Variants in CASZ1 observed in about 807,000 individuals in gnomAD.
The protein encoded by CASZ1 is castor zinc finger 1.
In CASZ1, 28 loss-of-function variants were observed where a neutral mutation model predicts 135.2. That is an observed-to-expected ratio of 0.21 (90% CI 0.15 to 0.28). The LOEUF (loss-of-function observed/expected upper bound fraction) is 0.28, where lower values mean the gene tolerates loss of function less well. CASZ1 is among the 10% of genes least tolerant of loss of function. The probability of loss-of-function intolerance (pLI) is 1.00; values close to 1 mark genes in which losing one functional copy is unlikely to be tolerated. For synonymous variants in CASZ1, 1,068 were observed against 1,073.4 expected, an observed-to-expected ratio of 0.99 and a Z score of 0.10; for missense variants, 2,161 against 2,453.3, an observed-to-expected ratio of 0.88 and a Z score of 2.52.
Position 10,726,464 on chromosome 1 carries a change from G to A in CASZ1, c.-76-20920C>T, listed in dbSNP as rs780041571. On this transcript the variant is annotated intron_variant, in intron 2 of 20. Coordinates refer to ENST00000377022, the MANE Select transcript of CASZ1 (RefSeq NM_001079843.3). The surrounding 1 kb of genome is among the most constrained non-coding windows in gnomAD (Gnocchi z 5.7). The stretch of plus-strand genomic sequence containing the variant: ...TGGAGCCGGAGGGAGGAGGAGGGCG[G>A]TGTAGTCCTCCAGGCTGGCCAGGCT... Among the ~76,000 whole-genome samples the A allele has an allele frequency of 3.9e-5, 6 of 152,184 alleles. No individual in the cohort carries two copies. The highest frequency in any genetic ancestry group is 8.8e-5 in the Non-Finnish European group (6 of 68,024).
intron 2 of CASZ1, among the ~76,000 whole-genome samples, chr1:10,745,481 G>C (rs79798292): frequency 0.013 from 2,044 of 152,286 alleles, 43 homozygotes; most frequent in African/African-American, 0.042. Flanking sequence ...ACTCAAGGGG[G>C]TGTGGGCAGG....
rs979470404 is a variant in CASZ1 at position 10,726,787 on chromosome 1, C to T, written c.-76-21243G>A. On this transcript the variant is annotated intron_variant, in intron 2 of 20. Transcript: ENST00000377022. This position sits in a 1 kb window ranked among gnomAD's most constrained non-coding sequence, Gnocchi z 5.7. ...GGGGGTCCTTGCTGCAGCAATCACC[C>T]AGGCCCTGAAGAGAGGCCAGGGAGA... is the stretch of plus-strand genomic sequence containing the variant. 2.0e-5 allele frequency among the ~76,000 whole-genome samples: 3 copies of T among 152,178 alleles called. No individual in the cohort carries two copies. The highest frequency in any genetic ancestry group is 7.2e-5 in the African/African-American group (3 of 41,444).
chr1:10,783,162 GC>G (rs1202941278), intron 1 of CASZ1, among the ~76,000 whole-genome samples: 1 of 152,142 alleles, frequency 6.6e-6, no homozygotes, highest in Non-Finnish European at 1.5e-5. Flanking sequence ...AACCCAGCCA[GC>G]CCTGCCAGGG....
intron 1 of CASZ1, among the ~76,000 whole-genome samples, chr1:10,770,978 G>A (rs753793942): frequency 5.9e-5 from 9 of 152,200 alleles, no homozygotes; most frequent in Non-Finnish European, 7.3e-5. Context: ...TTCCCAGGAG[G>A]GGCGGTCATT....
intron 2 of CASZ1, among the ~76,000 whole-genome samples, chr1:10,713,418 G>T (rs1006228297): frequency 1.3e-5 from 2 of 152,180 alleles, no homozygotes; most frequent in Non-Finnish European, 2.9e-5. Context: ...TCTCTGCCAT[G>T]AGAGCCTACA....
At chr1:10,640,117 G>A (rs1642152354) in intron 20 of CASZ1, 58 bp from the exon 21 acceptor site, 36 of 1,546,162 alleles carry the variant, frequency 2.3e-5, no homozygotes, top group Non-Finnish European at 2.6e-5. Flanking sequence ...ACCATCAACA[G>A]GGTTACACCC....
At chr1:10,680,375 G>A (rs1236574620) in intron 4 of CASZ1, among the ~76,000 whole-genome samples, 1 of 152,094 alleles carries the variant, frequency 6.6e-6, no homozygotes, top group African/African-American at 2.4e-5. Flanking sequence ...GGACACCAGG[G>A]ACCCACAGGT....
chr1:10,767,233 T>C lies in CASZ1; in HGVS notation c.-233-6376A>G, dbSNP rs533348591. 3.2e-4 allele frequency among the ~76,000 whole-genome samples: 48 copies of C among 152,290 alleles called. No individual in the cohort carries two copies. Among genetic ancestry groups the C allele is most frequent in the African/African-American group, 1.2e-3 (48 of 41,538 alleles). On this transcript the variant is annotated intron_variant, in intron 1 of 20. Transcript: ENST00000377022. This position sits in a 1 kb window ranked among gnomAD's most constrained non-coding sequence, Gnocchi z 4.2. ...TCCTCATGAGTTCCTGCCCCAGTCC[T>C]GGCCCAGGAGATCAGCGATGTCCTC...
rs765779516 is a variant in CASZ1, at chr1:10,665,288, C to T, written c.300G>A (p.Pro100=). 24 of 1,612,252 alleles carry T rather than the reference C, an allele frequency of 1.5e-5. No homozygotes were observed. The highest frequency in any genetic ancestry group is 4.4e-5 in the South Asian group (4 of 90,820). The change falls in exon 5 of 21, where the codon CCG becomes CCA. Residue 100 remains proline (P), a synonymous_variant. Transcript: ENST00000377022. ...TCCGCCCCAACACGGGTGTGGGTGC[C>T]GGCTCCTCGCTGTACTCCCCGTTCA... ...KWVNGEYSEE[P]APTPVLGRIA...
At position 10,653,887 on chromosome 1, in the gene CASZ1, C is replaced by T; in HGVS notation, c.2170G>A (p.Asp724Asn). 4 of 1,613,328 alleles carry T rather than the reference C, an allele frequency of 2.5e-6. No homozygotes were observed. Among genetic ancestry groups the T allele is most frequent in the Non-Finnish European group, 2.5e-6 (3 of 1,179,578 alleles). ...DTEHEESSND[D>N]LVDFSALSSK... ...CTCAGGGCGGAGAAGTCAACAAGGT[C>T]GTCGTTGCTGGACTCCTCGTGCTCC... The change falls in exon 11 of 21, where the codon GAC (aspartate) becomes AAC (asparagine). Residue 724 changes from aspartate to asparagine, a missense_variant. Asp to Asn is a conservative substitution (Grantham distance 23). Transcript: ENST00000377022.
intron 3 of CASZ1, among the ~76,000 whole-genome samples, chr1:10,702,192 C>T (rs990581677): frequency 1.3e-5 from 2 of 152,070 alleles, no homozygotes; most frequent in African/African-American, 2.4e-5. Context: ...CCTTGCTCCC[C>T]GCAGGCCAGC....
intron 2 of CASZ1, among the ~76,000 whole-genome samples, chr1:10,754,361 C>T (rs116060804): frequency 6.7e-4 from 102 of 152,312 alleles, no homozygotes; most frequent in African/African-American, 2.3e-3. Context: ...TTCTTCATTT[C>T]GAGCACCTAC....
chr1:10,645,239 A>G, intron 17 of CASZ1, 151 bp from the exon 18 acceptor site: 1 of 732,116 alleles, frequency 1.4e-6, no homozygotes, highest in Non-Finnish European at 2.2e-6. Context: ...CATGTTAAAA[A>G]GCAGCGCAGG....
chr1:10,688,685 C>T lies in CASZ1; in HGVS notation c.16+5189G>A, dbSNP rs642262. Among the ~76,000 whole-genome samples the T allele has an allele frequency of 9.1e-3, 1,380 of 152,332 alleles. 19 individuals carry two copies. Among genetic ancestry groups the T allele is most frequent in the East Asian group, 0.039 (204 of 5,180 alleles). On this transcript the variant is annotated intron_variant, in intron 4 of 20. Coordinates refer to ENST00000377022, the MANE Select transcript of CASZ1 (RefSeq NM_001079843.3). ...CCTCCCATGCCTCCTGGGTTTCAGG[C>T]CTCGCCTCCCACATGGGTGTCTTAC...
At chr1:10,787,191 C>G (rs1640873826) in intron 1 of CASZ1, among the ~76,000 whole-genome samples, 1 of 152,240 alleles carries the variant, frequency 6.6e-6, no homozygotes. Flanking sequence ...GGTAAAATGA[C>G]TACCTAAGGC....
intron 2 of CASZ1, among the ~76,000 whole-genome samples, chr1:10,729,875 G>A (rs998269835): frequency 1.3e-5 from 2 of 152,102 alleles, no homozygotes; most frequent in Admixed American, 6.5e-5. Context: ...GAGTGCAGCG[G>A]TGCTATCTCA....
chr1:10,642,893 G>A lies in CASZ1; in HGVS notation c.4128C>T (p.Ser1376=). 6.2e-7 allele frequency: 1 copy of A among 1,613,014 alleles called. No individual in the cohort carries two copies. Among genetic ancestry groups the A allele is most frequent in the Non-Finnish European group, 8.5e-7 (1 of 1,179,952 alleles). ...TGCTCTCGTTACCCACGGGGGTGCT[G>A]GAGCAGCTCCGGTCCATGGTGGATG... ...SESSTMDRSC[S]STPVGNESTA... Residue 1376 remains serine (S), a synonymous_variant, in exon 20 of 21, where the codon TCC becomes TCT. Transcript: ENST00000377022.
intron 4 of CASZ1, among the ~76,000 whole-genome samples, chr1:10,673,518 A>C (rs1395638753): frequency 6.6e-6 from 1 of 151,640 alleles, no homozygotes; most frequent in Non-Finnish European, 1.5e-5. Flanking sequence ...CCTGCTGGGG[A>C]GGGGGGCTGA....
At chr1:10,769,248 G>A (rs941942121) in intron 1 of CASZ1, among the ~76,000 whole-genome samples, 2 of 152,220 alleles carry the variant, frequency 1.3e-5, no homozygotes, top group Admixed American at 6.5e-5. Flanking sequence ...GGGAAGGTTC[G>A]GCGAGAACAC....
Sources: allele counts gnomAD v4.1 joint callset (sites outside exome capture counted in the v4.1 genomes callset), GRCh38; gene constraint gnomAD v4.1.1; non-coding constraint Gnocchi (gnomAD v3.1); transcripts MANE v1.5; gene names NCBI Gene and HGNC (gene_info 2026-07-23, HGNC 2026-07-21).